The following NFIB variants were observed in gnomAD, a reference collection of about 807,000 sequenced individuals.
The protein encoded by NFIB is nuclear factor 1 B-type.
In NFIB, 11 loss-of-function variants were observed where a neutral mutation model predicts 61.5. The observed-to-expected ratio is 0.18, with a 90% CI of 0.11 to 0.30. The LOEUF (loss-of-function observed/expected upper bound fraction) is 0.30. NFIB is among the 10% of genes least tolerant of loss of function. The probability of loss-of-function intolerance (pLI) is 1.00; values close to 1 mark genes in which losing one functional copy is unlikely to be tolerated. For missense variants in NFIB, 471 were observed against 608.9 expected (o/e 0.77, Z 2.38); for synonymous variants, 260 against 216.5 (o/e 1.20, Z -1.76).
chr9:14,095,628 G>T (rs780224680), intron 10 of NFIB, among the ~76,000 whole-genome samples: 4 of 151,680 alleles, frequency 2.6e-5, no homozygotes, highest in African/African-American at 9.7e-5. Context: ...ATCACCCAAG[G>T]CATACTAAAT....
the NFIB span, among the ~76,000 whole-genome samples, chr9:14,516,611 T>C: frequency 6.6e-6 from 1 of 152,234 alleles, no homozygotes; most frequent in Admixed American, 6.5e-5. Context: ...CCTTAATCTC[T>C]CTTAGTTTTC....
intron 2 of NFIB, among the ~76,000 whole-genome samples, chr9:14,220,842 T>TACAC (rs138623129): frequency 0.15 from 18,804 of 122,810 alleles, 1,657 homozygotes; most frequent in Non-Finnish European, 0.17. Flanking sequence ...TCAATCTCCC[T>TACAC]ACACACACAC....
At chr9:14,255,819 G>T (rs542624714) in intron 2 of NFIB, among the ~76,000 whole-genome samples, 2 of 152,200 alleles carry the variant, frequency 1.3e-5, no homozygotes, top group Non-Finnish European at 2.9e-5. Flanking sequence ...TAAGAGAAAT[G>T]ATCAAATAGC....
intron 5 of NFIB, among the ~76,000 whole-genome samples, chr9:14,147,636 CTT>C (rs34256054): frequency 2.8e-5 from 3 of 108,648 alleles, no homozygotes; most frequent in Non-Finnish European, 1.7e-5. Flanking sequence ...TAAAATGATA[CTT>C]TTTTTTTTTT....
chr9:14,504,009 G>C, the NFIB span, among the ~76,000 whole-genome samples: 1 of 152,170 alleles, frequency 6.6e-6, no homozygotes, highest in Non-Finnish European at 1.5e-5. Flanking sequence ...TAAGCTGAGA[G>C]ATGTCCAGTT....
At chr9:14,507,448 T>C in the NFIB span, among the ~76,000 whole-genome samples, 1 of 152,248 alleles carries the variant, frequency 6.6e-6, no homozygotes, top group Non-Finnish European at 1.5e-5. Context: ...TAAGCTTTCA[T>C]TACTAATTCC....
At chr9:14,352,100 G>A (rs1028832870) in intron 1 of NFIB, among the ~76,000 whole-genome samples, 2 of 152,042 alleles carry the variant, frequency 1.3e-5, no homozygotes, top group Non-Finnish European at 2.9e-5. Context: ...CATCTTTGCA[G>A]CAACGCTAAA....
At chr9:14,479,624 G>A in the NFIB span, among the ~76,000 whole-genome samples, 1 of 152,172 alleles carries the variant, frequency 6.6e-6, no homozygotes, top group Non-Finnish European at 1.5e-5. Context: ...CTCAGATACT[G>A]CCCCTCACTC....
At chr9:14,498,833 T>C in the NFIB span, among the ~76,000 whole-genome samples, 2 of 84,618 alleles carry the variant, frequency 2.4e-5, no homozygotes, top group African/African-American at 6.9e-5. Context: ...CTTCCTCCCT[T>C]CCTTCCTTCC....
At chr9:14,312,344 C>T (rs539524575) in intron 1 of NFIB, among the ~76,000 whole-genome samples, 6 of 152,274 alleles carry the variant, frequency 3.9e-5, no homozygotes, top group Non-Finnish European at 8.8e-5. Flanking sequence ...AATTTTAACA[C>T]GCCCAAGACT....
At chr9:14,352,882 C>T (rs1588354863) in intron 1 of NFIB, among the ~76,000 whole-genome samples, 1 of 152,194 alleles carries the variant, frequency 6.6e-6, no homozygotes. Flanking sequence ...ACGTTTTTGA[C>T]ATCTGAGGGT....
At chr9:14,349,938 T>C (rs913984005) in intron 1 of NFIB, among the ~76,000 whole-genome samples, 1 of 152,142 alleles carries the variant, frequency 6.6e-6, no homozygotes, top group African/African-American at 2.4e-5. Flanking sequence ...GGCATTTCCC[T>C]TCCCCGTGTG....
chr9:14,257,539 T>C (rs1162370286), intron 2 of NFIB, among the ~76,000 whole-genome samples: 1 of 152,178 alleles, frequency 6.6e-6, no homozygotes, highest in Non-Finnish European at 1.5e-5. Flanking sequence ...GTGGATCACC[T>C]GAGTCGGGAG....
chr9:14,216,454 A>G (rs1482307935), intron 2 of NFIB, among the ~76,000 whole-genome samples: 1 of 151,376 alleles, frequency 6.6e-6, no homozygotes, highest in Non-Finnish European at 1.5e-5. Flanking sequence ...GCCAAGGTGC[A>G]TCTGTATCCA....
intron 2 of NFIB, among the ~76,000 whole-genome samples, chr9:14,273,102 C>T (rs1306265185): frequency 6.6e-6 from 1 of 152,112 alleles, no homozygotes; most frequent in Admixed American, 6.6e-5. Context: ...CACTCATTAA[C>T]GAGCCAGCAA....
intron 2 of NFIB, among the ~76,000 whole-genome samples, chr9:14,195,455 C>A (rs10810106): frequency 2.6e-5 from 4 of 152,014 alleles, no homozygotes; most frequent in Admixed American, 2.0e-4. Context: ...TGTGAGCACA[C>A]GAAACAGAGA....
chr9:14,474,364 A>G, the NFIB span, among the ~76,000 whole-genome samples: 2 of 152,162 alleles, frequency 1.3e-5, no homozygotes, highest in African/African-American at 4.8e-5. Flanking sequence ...AATTCCATTC[A>G]TGACGGTTTC....
At chr9:14,484,592 G>A in the NFIB span, among the ~76,000 whole-genome samples, 2 of 152,288 alleles carry the variant, frequency 1.3e-5, no homozygotes, top group African/African-American at 4.8e-5. Context: ...AGGTATGTGT[G>A]AATTCAGGTA....
chr9:14,265,924 G>C lies in NFIB; in HGVS notation c.562+41065C>G, dbSNP rs189081434. ...GGGGAACAGCCAGCTTCAACAAGGGGAGATCAACTTACTGCAATACCAAAT... is the reference window on the plus strand; with the variant it reads ...GGGGAACAGCCAGCTTCAACAAGGGCAGATCAACTTACTGCAATACCAAAT... On this transcript the variant is annotated intron_variant, in intron 2 of 10. Transcript: ENST00000380953. Among the ~76,000 whole-genome samples the C allele has an allele frequency of 5.3e-3, 801 of 152,292 alleles. 31 individuals carry two copies. Among genetic ancestry groups the C allele is most frequent in the Admixed American group, 0.048 (734 of 15,296 alleles).
Sources: gnomAD v4.1 joint callset for allele counts (sites outside exome capture counted in the v4.1 genomes callset) on GRCh38, gnomAD v4.1.1 for gene constraint, MANE v1.5 for transcripts, NCBI Gene and HGNC (gene_info 2026-07-23, HGNC 2026-07-21) for gene names.